ROBO1: variants seen among roughly 807,000 people sequenced by gnomAD.
ROBO1 encodes the protein roundabout guidance receptor 1.
A neutral mutation model predicts 195.9 loss-of-function variants in ROBO1; 149 were observed. The observed-to-expected ratio is 0.76, with a 90% CI of 0.67 to 0.87. The LOEUF is 0.87. ROBO1 is among the 40% of genes least tolerant of loss of function. The probability of loss-of-function intolerance (pLI) is 0.00; values close to 1 mark genes in which losing one functional copy is unlikely to be tolerated. For missense variants in ROBO1, 1,933 were observed against 2,068.3 expected, an observed-to-expected ratio of 0.93 and a Z score of 1.27; for synonymous variants, 816 against 733.2, an observed-to-expected ratio of 1.11 and a Z score of -1.82.
chr3:79,479,858 T>C (rs1341341877), intron 2 of ROBO1, among the ~76,000 whole-genome samples: 2 of 152,194 alleles, frequency 1.3e-5, no homozygotes, highest in South Asian at 2.1e-4. Context: ...AGACCTTCCA[T>C]GATGTTATTG....
chr3:79,138,455 A>G (rs1205581148), intron 2 of ROBO1, among the ~76,000 whole-genome samples: 1 of 152,088 alleles, frequency 6.6e-6, no homozygotes, highest in African/African-American at 2.4e-5. Context: ...ATGTTGTCAT[A>G]TACTTATCTA....
Position 78,870,732 on chromosome 3 carries a change from C to T in ROBO1, c.499+67869G>A, listed in dbSNP as rs2035495250. On this transcript the variant is annotated intron_variant, in intron 4 of 30. Coordinates refer to ENST00000464233, the MANE Select transcript of ROBO1 (RefSeq NM_002941.4). ...TGCTGAGCCAATCAGGACTTATCCT[C>T]TGGGAGTGAACACAAGGCTTTTGAG... Among the ~76,000 whole-genome samples, 3 of 152,122 alleles carry T rather than the reference C, an allele frequency of 2.0e-5. No individual in the cohort carries two copies. In the South Asian group the frequency reaches 6.2e-4, roughly 32 times the overall value.
At chr3:78,772,427 G>T (rs2083398329) in intron 4 of ROBO1, among the ~76,000 whole-genome samples, 1 of 152,014 alleles carries the variant, frequency 6.6e-6, no homozygotes, top group Non-Finnish European at 1.5e-5. Context: ...TTTTGTAAAA[G>T]GACGTAACTA....
At chr3:79,563,124 A>G (rs1462830470) in intron 2 of ROBO1, among the ~76,000 whole-genome samples, 1 of 152,072 alleles carries the variant, frequency 6.6e-6, no homozygotes, top group East Asian at 1.9e-4. Flanking sequence ...ATCTATGAGT[A>G]AAAACATTGC....
intron 2 of ROBO1, among the ~76,000 whole-genome samples, chr3:79,578,082 A>C (rs879020090): frequency 6.6e-6 from 1 of 152,140 alleles, no homozygotes; most frequent in Non-Finnish European, 1.5e-5. Flanking sequence ...AAGGAATTAA[A>C]AATTTAAATC....
intron 2 of ROBO1, among the ~76,000 whole-genome samples, chr3:79,422,158 C>A (rs1394349102): frequency 3.4e-5 from 5 of 147,538 alleles, no homozygotes; most frequent in African/African-American, 1.2e-4. Context: ...GTATTATATA[C>A]AATACATATC....
chr3:79,034,615 C>T (rs1337078540), intron 3 of ROBO1, among the ~76,000 whole-genome samples: 3 of 151,884 alleles, frequency 2.0e-5, no homozygotes, highest in African/African-American at 7.3e-5. Flanking sequence ...GTCTAAATTT[C>T]TAATAAAATA....
intron 3 of ROBO1, among the ~76,000 whole-genome samples, chr3:79,017,649 T>A (rs981373145): frequency 6.6e-6 from 1 of 152,084 alleles, no homozygotes; most frequent in Non-Finnish European, 1.5e-5. Context: ...TGTACTCTTA[T>A]GTCAGAAGGG....
chr3:78,771,558 T>C (rs6773457), intron 4 of ROBO1, among the ~76,000 whole-genome samples: 37,873 of 151,996 alleles, frequency 0.25, 4,936 homozygotes, highest in East Asian at 0.49. Context: ...GTTTGTATCA[T>C]CTCTAATTTC....
At chr3:79,271,276 C>A (rs528986634) in intron 2 of ROBO1, among the ~76,000 whole-genome samples, 17 of 151,974 alleles carry the variant, frequency 1.1e-4, no homozygotes, top group Admixed American at 1.1e-3. Context: ...ATCATTTATT[C>A]TTACTTTTCA....
At chr3:79,524,464 C>A (rs1941346317) in intron 2 of ROBO1, among the ~76,000 whole-genome samples, 1 of 151,862 alleles carries the variant, frequency 6.6e-6, no homozygotes, top group South Asian at 2.1e-4. Context: ...ATTGAAAAAT[C>A]TGAATTTTTA....
chr3:79,117,059 G>T (rs2080017679), intron 3 of ROBO1, among the ~76,000 whole-genome samples: 1 of 152,060 alleles, frequency 6.6e-6, no homozygotes, highest in East Asian at 1.9e-4. Flanking sequence ...CTATGCTGTT[G>T]TAGTTAGGTA....
intron 2 of ROBO1, among the ~76,000 whole-genome samples, chr3:79,249,825 G>A (rs978801): frequency 6.6e-6 from 1 of 152,196 alleles, no homozygotes; most frequent in African/African-American, 2.4e-5. Flanking sequence ...CCAAACCTCA[G>A]GAACATACAG....
chr3:78,919,691 T>C (rs498805), intron 4 of ROBO1, among the ~76,000 whole-genome samples: 55,671 of 152,088 alleles, frequency 0.37, 10,634 homozygotes, highest in Middle Eastern at 0.47. Context: ...CAAAGCTACT[T>C]TGTCTTTACA....
intron 3 of ROBO1, among the ~76,000 whole-genome samples, chr3:78,984,961 T>G (rs2077073143): frequency 6.6e-6 from 1 of 152,192 alleles, no homozygotes; most frequent in Non-Finnish European, 1.5e-5. Context: ...CTACTCATTG[T>G]GAAGATGAGG....
intron 1 of ROBO1, among the ~76,000 whole-genome samples, chr3:79,615,309 T>C (rs1944785430): frequency 6.6e-6 from 1 of 152,186 alleles, no homozygotes; most frequent in Non-Finnish European, 1.5e-5. Flanking sequence ...CAGATAATCT[T>C]CAAATCTACC....
Position 79,544,393 on chromosome 3 carries a change from C to T in ROBO1, c.88+45431G>A, listed in dbSNP as rs561857203. 2.0e-5 allele frequency among the ~76,000 whole-genome samples: 3 copies of T among 151,952 alleles called. No homozygotes were observed. The East Asian group carries it at 5.8e-4, about 29-fold the overall frequency. ...CACTTAAAATTTAATATATCAGCCACAGTTTCTGATTACTGAAATTTAGAT... is the reference window on the plus strand; with the variant it reads ...CACTTAAAATTTAATATATCAGCCATAGTTTCTGATTACTGAAATTTAGAT... On this transcript the variant is annotated intron_variant, in intron 2 of 30. Transcript: ENST00000464233.
chr3:79,442,602 G>A (rs1357769771), intron 2 of ROBO1, among the ~76,000 whole-genome samples: 3 of 152,016 alleles, frequency 2.0e-5, no homozygotes, highest in Non-Finnish European at 4.4e-5. Flanking sequence ...TCTCACTTCT[G>A]TTGTCTCTGA....
chr3:78,987,907 A>C (rs2077149494), intron 3 of ROBO1, among the ~76,000 whole-genome samples: 1 of 152,172 alleles, frequency 6.6e-6, no homozygotes, highest in South Asian at 2.1e-4. Flanking sequence ...ACCCACCAAA[A>C]TAAAACATAA....
Sources: allele counts gnomAD v4.1 joint callset (sites outside exome capture counted in the v4.1 genomes callset), GRCh38; gene constraint gnomAD v4.1.1; transcripts MANE v1.5; gene names NCBI Gene and HGNC (gene_info 2026-07-23, HGNC 2026-07-21).